WWC2: variants seen among roughly 807,000 people sequenced by gnomAD.
WWC2 encodes WW and C2 domain containing 2.
Under a neutral mutation model 138.5 loss-of-function variants are expected in WWC2, and 101 were observed. That is an observed-to-expected ratio of 0.73 (90% CI 0.62 to 0.86). The LOEUF (loss-of-function observed/expected upper bound fraction) is 0.86. Ranked by LOEUF, WWC2 falls within the 40% of genes least tolerant of loss-of-function variation. WWC2 has a pLI of 0.00. For missense variants in WWC2, 1,420 were observed against 1,419.4 expected (o/e 1.00, Z -0.01); for synonymous variants, 558 against 538.4 (o/e 1.04, Z -0.50).
chr4:183,236,826 T>C (rs1243256597), intron 4 of WWC2, among the ~76,000 whole-genome samples: 1 of 152,202 alleles, frequency 6.6e-6, no homozygotes, highest in African/African-American at 2.4e-5. Context: ...TTGCATTGAA[T>C]CTGTAGATTA....
At chr4:183,286,758 C>A (rs116808045) in intron 20 of WWC2, among the ~76,000 whole-genome samples, 1 of 152,120 alleles carries the variant, frequency 6.6e-6, no homozygotes, top group African/African-American at 2.4e-5. Flanking sequence ...GCTCTGTTGA[C>A]GGCGAACTCA....
chr4:183,302,685 C>T (rs940168273), intron 21 of WWC2, among the ~76,000 whole-genome samples: 1 of 152,122 alleles, frequency 6.6e-6, no homozygotes, highest in African/African-American at 2.4e-5. Context: ...CTTAAAGTAG[C>T]CTTCCAAAAA....
intron 4 of WWC2, chr4:183,233,487 A>G (rs1736323259): frequency 1.3e-5 from 2 of 151,960 alleles, no homozygotes. Context: ...GAGATCTAGC[A>G]TTGACCTTCC....
chr4:183,143,421 C>T (rs900542194), intron 1 of WWC2, among the ~76,000 whole-genome samples: 1 of 152,144 alleles, frequency 6.6e-6, no homozygotes, highest in Admixed American at 6.5e-5. Context: ...TCAACTCTGT[C>T]CTGTTAAGTA....
rs1158177762 is a variant in WWC2 at position 183,269,113 on chromosome 4, C to A, written c.2350C>A (p.Leu784Met). The A allele has an allele frequency of 1.2e-6, 2 of 1,613,916 alleles. No individual in the cohort carries two copies. Among genetic ancestry groups the A allele is most frequent in the Non-Finnish European group, 1.7e-6 (2 of 1,179,872 alleles). ...CCAAACAGCCTTACAACAGAAGACACTGAGGGTAGACCTTTGCTCTGTCAG... is the reference window on the plus strand; with the variant it reads ...CCAAACAGCCTTACAACAGAAGACAATGAGGGTAGACCTTTGCTCTGTCAG... ...ISQTALQQKT[L>M]RVDLCSVSKH... Residue 784 changes from leucine to methionine, a missense_variant, in exon 15 of 23, where the codon CTG (leucine) becomes ATG (methionine). Transcript: ENST00000403733.
intron 1 of WWC2, among the ~76,000 whole-genome samples, chr4:183,181,201 G>A (rs1015169634): frequency 2.0e-5 from 3 of 152,162 alleles, no homozygotes; most frequent in Non-Finnish European, 4.4e-5. Flanking sequence ...AATGCCCTGT[G>A]ATGCTAATCA....
intron 1 of WWC2, among the ~76,000 whole-genome samples, chr4:183,112,857 G>T (rs1033862772): frequency 6.6e-5 from 10 of 151,696 alleles, no homozygotes; most frequent in South Asian, 6.3e-4. Flanking sequence ...GTGAAGATCT[G>T]GGGGGAAGAG....
intron 5 of WWC2, 47 bp from the exon 6 acceptor site, chr4:183,245,369 A>G (rs1449967985): frequency 1.4e-6 from 2 of 1,437,468 alleles, no homozygotes; most frequent in African/African-American, 2.9e-5. Flanking sequence ...TTTAACTTAT[A>G]TGCTATCATT....
intron 16 of WWC2, among the ~76,000 whole-genome samples, chr4:183,273,727 G>A (rs1413716826): frequency 6.6e-6 from 1 of 152,116 alleles, no homozygotes; most frequent in Non-Finnish European, 1.5e-5. Context: ...CTTTCTTGAT[G>A]GTTTTATTTA....
At chr4:183,263,859 G>A (rs955180489) in intron 11 of WWC2, among the ~76,000 whole-genome samples, 1 of 152,182 alleles carries the variant, frequency 6.6e-6, no homozygotes, top group African/African-American at 2.4e-5. Context: ...AGGGACGTTT[G>A]TCATCTCCCT....
In WWC2 at chr4:183,265,745, C is replaced by T. The variant is rs756920298; in HGVS notation, c.2097C>T (p.Thr699=). The T allele has an allele frequency of 5.0e-6, 8 of 1,611,448 alleles. No homozygotes were observed. Among genetic ancestry groups the T allele is most frequent in the Admixed American group, 3.4e-5 (2 of 59,700 alleles). The change falls in exon 13 of 23, where the codon ACC becomes ACT. Residue 699 remains threonine, a synonymous_variant. Coordinates refer to ENST00000403733, the MANE Select transcript of WWC2 (RefSeq NM_024949.6). ...AAGAGGATGTAGCCATTGTAGAGAC[C>T]GCCCAGGTTCAGATAGGACTCAGGT... ...YSEEDVAIVE[T]AQVQIGLRYN...
At chr4:183,187,687 A>G (rs910130072) in intron 1 of WWC2, among the ~76,000 whole-genome samples, 3 of 151,780 alleles carry the variant, frequency 2.0e-5, no homozygotes, top group Middle Eastern at 3.4e-3. Context: ...CCTGACCAAC[A>G]CGGAGAAACC....
rs182568393 is a variant in WWC2 at position 183,282,838 on chromosome 4, G to A, written c.2815G>A (p.Gly939Arg). 105 of 1,591,856 alleles carry A rather than the reference G, an allele frequency of 6.6e-5. No homozygotes were observed. In the East Asian group the frequency reaches 1.2e-3, roughly 18 times the overall value. The change falls in exon 18 of 23, where the codon GGG becomes AGG. Residue 939 changes from glycine (G) to arginine (R), a missense_variant. Coordinates refer to ENST00000403733, the MANE Select transcript of WWC2 (RefSeq NM_024949.6). ...TAGTGTGCCTGAGATGAATGAAGAC[G>A]GGAACAGGAAAGAAAGCAACTGTGC... is the stretch of plus-strand genomic sequence containing the variant. ...CTSVPEMNED[G>R]NRKESNCAKD... is the part of the protein sequence containing the mutation.
intron 1 of WWC2, among the ~76,000 whole-genome samples, chr4:183,176,425 A>G (rs1436479199): frequency 1.3e-5 from 2 of 151,722 alleles, no homozygotes; most frequent in African/African-American, 2.4e-5. Context: ...TTTATTTTTT[A>G]TTTATTTATT....
chr4:183,295,243 G>A (rs1738596489), intron 21 of WWC2, among the ~76,000 whole-genome samples: 1 of 152,152 alleles, frequency 6.6e-6, no homozygotes, highest in East Asian at 1.9e-4. Context: ...TTTTTCCTTT[G>A]GTATTCCACT....
chr4:183,244,155 C>T (rs745467441), intron 5 of WWC2, among the ~76,000 whole-genome samples: 4 of 151,976 alleles, frequency 2.6e-5, no homozygotes, highest in Admixed American at 6.6e-5. Context: ...TGTCTAAGAA[C>T]GTGTATAGAG....
chr4:183,263,187 C>A (rs1302067928), intron 11 of WWC2, among the ~76,000 whole-genome samples: 3 of 152,148 alleles, frequency 2.0e-5, no homozygotes, highest in Non-Finnish European at 2.9e-5. Flanking sequence ...CATCTTTTGA[C>A]CTTTCAAGGT....
At chr4:183,214,782 C>CA (rs879308410) in intron 4 of WWC2, among the ~76,000 whole-genome samples, 2,971 of 134,382 alleles carry the variant, frequency 0.022, 83 homozygotes, top group African/African-American at 0.066. Flanking sequence ...AACTCCGTCT[C>CA]AAAAAAAAAA....
intron 17 of WWC2, among the ~76,000 whole-genome samples, chr4:183,282,136 A>G (rs1382436147): frequency 6.6e-6 from 1 of 152,198 alleles, no homozygotes; most frequent in Non-Finnish European, 1.5e-5. Flanking sequence ...TATATATTCC[A>G]TATAAGCTGT....
Sources: allele counts gnomAD v4.1 joint callset (sites outside exome capture counted in the v4.1 genomes callset), GRCh38; gene constraint gnomAD v4.1.1; transcripts MANE v1.5; gene names NCBI Gene and HGNC (gene_info 2026-07-23, HGNC 2026-07-21).